Variants in KIF1B observed in about 807,000 individuals in gnomAD.
The protein encoded by KIF1B is kinesin-like protein KIF1B.
In KIF1B, 76 loss-of-function variants were observed where a neutral mutation model predicts 241.9. That is an observed-to-expected ratio of 0.31 (90% confidence interval 0.26 to 0.38). The LOEUF is 0.38. Among genes scored for constraint, KIF1B ranks in the 10% least tolerant of loss-of-function variants. The pLI is 1.00. For synonymous variants in KIF1B, 750 were observed against 796.7 expected, an observed-to-expected ratio of 0.94 and a Z score of 0.99; for missense variants, 1,622 against 2,271.4, an observed-to-expected ratio of 0.71 and a Z score of 5.81.
In KIF1B at chr1:10,212,902, A is replaced by G. The variant is rs1479423068; in HGVS notation, c.-80+2024A>G. On this transcript the variant is annotated intron_variant, in intron 1 of 48. Transcript: ENST00000676179. ...TGCATGCGTGTGTGTATATATATAT[A>G]TATATATATATATATATATATATAT... 3.3e-3 allele frequency among the ~76,000 whole-genome samples: 343 copies of G among 102,670 alleles called. 3 individuals carry two copies. Among genetic ancestry groups the G allele is most frequent in the African/African-American group, 0.015 (303 of 20,680 alleles). 67.4% of individuals were successfully genotyped at this position (102,670 alleles called of 152,430 possible). A position where few individuals can be genotyped will look rare whatever the true frequency, so the allele number is the denominator to read the frequency against.
At position 10,376,761 on chromosome 1, in the gene KIF1B, A is replaced by G. The variant is rs1454154296; in HGVS notation, c.*174A>G. The G allele has an allele frequency of 1.5e-6, 1 of 661,638 alleles. No homozygotes were observed. The highest frequency in any genetic ancestry group is 1.8e-5 in the African/African-American group (1 of 54,748). 41.0% of individuals were successfully genotyped at this position (661,638 alleles called of 1,614,324 possible). On this transcript the variant is annotated 3_prime_UTR_variant, in exon 49 of 49. Coordinates refer to ENST00000676179, the MANE Select transcript of KIF1B (RefSeq NM_001365951.3). Reference sequence around the variant, plus strand: ...CCGTTCCCCATCTCCATTGCTCTGTACTCTTTTCTTTTTTCTTGTGCTGAG... The same window carrying G: ...CCGTTCCCCATCTCCATTGCTCTGTGCTCTTTTCTTTTTTCTTGTGCTGAG...
chr1:10,306,877 A>G, intron 22 of KIF1B: 1 of 1,042,486 alleles, frequency 9.6e-7, no homozygotes, highest in Non-Finnish European at 1.2e-6. Context: ...AGGTCCATAT[A>G]TTTTCATTCT....
At chr1:10,324,191 G>C in intron 25 of KIF1B, 129 bp downstream of exon 25, 1 of 900,132 alleles carries the variant, frequency 1.1e-6, no homozygotes, top group Non-Finnish European at 1.8e-6. Context: ...TCTAAATGCT[G>C]TTGTTGGCCA....
intron 1 of KIF1B, among the ~76,000 whole-genome samples, chr1:10,228,039 C>G (rs1646932584): frequency 6.6e-6 from 1 of 150,962 alleles, no homozygotes; most frequent in South Asian, 2.1e-4. Context: ...ACAAAAATTA[C>G]CCGGGCGTGC....
Position 10,276,351 on chromosome 1 carries a change from C to G in KIF1B, c.989C>G (p.Ala330Gly). Residue 330 changes from alanine to glycine, a missense_variant, in exon 12 of 49, where the codon GCT (alanine) becomes GGT (glycine). Physicochemically the swap from Ala to Gly is moderately conservative, Grantham distance 60. Around this residue, in one of 7 missense-constraint regions of KIF1B, gnomAD observed 201 missense variants for 301.2 expected, o/e 0.67. Coordinates refer to ENST00000676179, the MANE Select transcript of KIF1B (RefSeq NM_001365951.3). Reference sequence around the variant, plus strand: ...AATTCTCGGACTGCAATGGTTGCTGCTCTGAGCCCCGCGGATATCAACTAC... The same window carrying G: ...AATTCTCGGACTGCAATGGTTGCTGGTCTGAGCCCCGCGGATATCAACTAC... The part of the protein sequence containing the change: ...GGNSRTAMVA[A>G]LSPADINYDE... 6.2e-7 allele frequency: 1 copy of G among 1,613,916 alleles called. No homozygotes were observed. The highest frequency in any genetic ancestry group is 8.5e-7 in the Non-Finnish European group (1 of 1,179,858).
At chr1:10,233,671 C>T (rs575472458) in intron 2 of KIF1B, among the ~76,000 whole-genome samples, 82 of 150,446 alleles carry the variant, frequency 5.5e-4, no homozygotes, top group Admixed American at 3.3e-4. Context: ...TACTTTAAAT[C>T]GGTGAACTTT....
chr1:10,308,393 G>A (rs1557704893), intron 22 of KIF1B: 2 of 1,048,572 alleles, frequency 1.9e-6, no homozygotes. Flanking sequence ...TGTATTAGGT[G>A]TTGTCCCATT....
At chr1:10,238,766 A>T (rs1254654804) in intron 2 of KIF1B, among the ~76,000 whole-genome samples, 2 of 152,166 alleles carry the variant, frequency 1.3e-5, no homozygotes, top group African/African-American at 4.8e-5. Context: ...TAATGCATTT[A>T]AATTTGTATA....
In KIF1B at chr1:10,378,020, A is replaced by G; in HGVS notation, c.*1433A>G. Reference sequence around the variant, plus strand: ...GATCAAAGAAATATAGCTTTCAGGCATAAACCTGGAAGTCTCCCTCTGAAT... The same window carrying G: ...GATCAAAGAAATATAGCTTTCAGGCGTAAACCTGGAAGTCTCCCTCTGAAT... On this transcript the variant is annotated 3_prime_UTR_variant, in exon 49 of 49. Transcript: ENST00000676179. 1 of 351,318 alleles carries G rather than the reference A, an allele frequency of 2.8e-6. No homozygotes were observed. The allele number at this position is 351,318 out of a possible 1,614,324, so 21.8% of individuals were successfully genotyped here.
In KIF1B at chr1:10,342,732, A is replaced by T. The variant is rs149611405; in HGVS notation, c.3633-500A>T. Among the ~76,000 whole-genome samples, 772 of 152,336 alleles carry T rather than the reference A, an allele frequency of 5.1e-3. 10 individuals are homozygous for T. The highest frequency in any genetic ancestry group is 0.018 in the African/African-American group (748 of 41,580). ...TCCTTAAAGGGAATTAAAACATGCTATTGATACCAACATCCAACTCTTTGT... is the reference window on the plus strand; with the variant it reads ...TCCTTAAAGGGAATTAAAACATGCTTTTGATACCAACATCCAACTCTTTGT... On this transcript the variant is annotated intron_variant, in intron 33 of 48. Coordinates refer to ENST00000676179, the MANE Select transcript of KIF1B (RefSeq NM_001365951.3).
rs1652236172 is a variant in KIF1B, at chr1:10,337,757, GC to G, written c.3422+225del. ...GCAGGAGGAGCATGCTGCACATCCT[GC>G]TGCAGGGCTCTGCTGTGAGCGGTCC... is the stretch of plus-strand genomic sequence containing the variant. On this transcript the variant is annotated intron_variant, in intron 31 of 48. Coordinates refer to ENST00000676179, the MANE Select transcript of KIF1B (RefSeq NM_001365951.3). This position sits in a 1 kb window ranked among gnomAD's most constrained non-coding sequence, Gnocchi z 4.0. Among the ~76,000 whole-genome samples, 1 of 152,178 alleles carries G rather than the reference GC, an allele frequency of 6.6e-6. No individual in the cohort carries two copies. The highest frequency in any genetic ancestry group is 1.5e-5 in the Non-Finnish European group (1 of 68,024).
At chr1:10,250,269 A>G (rs1571137457) in intron 2 of KIF1B, among the ~76,000 whole-genome samples, 2 of 152,230 alleles carry the variant, frequency 1.3e-5, no homozygotes, top group Admixed American at 1.3e-4. Flanking sequence ...GTATTACCTC[A>G]ATTTTAGAGA....
chr1:10,289,958 T>C (rs1031672253), intron 15 of KIF1B, among the ~76,000 whole-genome samples: 6 of 152,108 alleles, frequency 3.9e-5, no homozygotes, highest in Admixed American at 1.3e-4. Context: ...GTAAATCTTA[T>C]GAAGGCAGAG....
At chr1:10,270,374 C>A (rs577474958) in intron 7 of KIF1B, among the ~76,000 whole-genome samples, 2 of 152,248 alleles carry the variant, frequency 1.3e-5, no homozygotes, top group African/African-American at 4.8e-5. Context: ...TTTCACTTAG[C>A]ATAGTGATTT....
intron 27 of KIF1B, among the ~76,000 whole-genome samples, chr1:10,329,463 G>A (rs1227389485): frequency 1.3e-5 from 2 of 152,084 alleles, no homozygotes; most frequent in East Asian, 1.9e-4. Flanking sequence ...GGCTGGGTGC[G>A]GTGGCTCACT....
Position 10,374,408 on chromosome 1 carries a change from G to T in KIF1B, c.5039G>T (p.Arg1680Leu), listed in dbSNP as rs775552504. Reference protein sequence around the residue: ...VPAVETPYLARAGKNEFLNLV... With the variant: ...VPAVETPYLALAGKNEFLNLV... ...GCTGTGGAAACACCATATTTGGCCC[G>T]AGCAGGAAAAAACGAATTTCTCAAT... The change falls in exon 46 of 49, where the codon CGA (arginine) becomes CTA (leucine). Residue 1680 changes from arginine (R) to leucine (L), a missense_variant. Around this residue, in one of 7 missense-constraint regions of KIF1B, gnomAD observed 357 missense variants for 409.0 expected, o/e 0.87. Transcript: ENST00000676179. This position sits in a 1 kb window ranked among gnomAD's most constrained non-coding sequence, Gnocchi z 4.3. The T allele has an allele frequency of 1.9e-6, 3 of 1,614,124 alleles. No homozygotes were observed. Among genetic ancestry groups the T allele is most frequent in the East Asian group, 2.2e-5 (1 of 44,896 alleles).
At chr1:10,360,887 T>C (rs1638403589) in intron 38 of KIF1B, 42 bp from the exon 39 acceptor site, 8 of 1,388,068 alleles carry the variant, frequency 5.8e-6, no homozygotes, top group Non-Finnish European at 7.2e-6. Flanking sequence ...AACGTGACTT[T>C]AGCTTCTTTT....
At position 10,303,168 on chromosome 1, in the gene KIF1B, G is replaced by A. The variant is rs374126565; in HGVS notation, c.2115+5922G>A. 7.0e-5 allele frequency: 112 copies of A among 1,611,354 alleles called. No individual in the cohort carries two copies. Among genetic ancestry groups the A allele is most frequent in the African/African-American group, 5.2e-4 (39 of 74,680 alleles). ...TTGATTTTGTTTTTCCAAAGGACGC[G>A]GATTCTGATAGCGGGGACGATTCTG... is the stretch of plus-strand genomic sequence containing the variant. On this transcript the variant is annotated intron_variant, in intron 22 of 48. Transcript: ENST00000676179. This position sits in a 1 kb window ranked among gnomAD's most constrained non-coding sequence, Gnocchi z 5.2.
chr1:10,262,745 C>T (rs1648219966), intron 5 of KIF1B, among the ~76,000 whole-genome samples: 2 of 152,080 alleles, frequency 1.3e-5, no homozygotes, highest in African/African-American at 4.8e-5. Context: ...TGCCTGTTTA[C>T]ATTTTGGGTT....
Sources: gnomAD v4.1 joint callset for allele counts (sites outside exome capture counted in the v4.1 genomes callset) on GRCh38, gnomAD v4.1.1 for gene constraint, gnomAD v4.1.1 regional missense constraint, Gnocchi (gnomAD v3.1) non-coding constraint, MANE v1.5 for transcripts, NCBI Gene and HGNC (gene_info 2026-07-23, HGNC 2026-07-21) for gene names.